The following CD200R1 variants were observed in gnomAD, a reference collection of about 807,000 sequenced individuals.
The protein encoded by CD200R1 is cell surface glycoprotein CD200 receptor 1.
Under a neutral mutation model 38.1 loss-of-function variants are expected in CD200R1, and 30 were observed. That is an observed-to-expected ratio of 0.79 (90% CI 0.59 to 1.07). The LOEUF (loss-of-function observed/expected upper bound fraction) is 1.07, where lower values mean the gene tolerates loss of function less well. CD200R1 is among the 50% of genes least tolerant of loss of function. The pLI is 0.00. For missense variants in CD200R1, 372 were observed against 415.4 expected (o/e 0.90, Z 0.91); for synonymous variants, 128 against 152.1 (o/e 0.84, Z 1.16).
chr3:112,943,740 T>C (rs773858526), intron 2 of CD200R1, among the ~76,000 whole-genome samples: 12 of 151,580 alleles, frequency 7.9e-5, no homozygotes, highest in Non-Finnish European at 1.6e-4. Flanking sequence ...AGAGAGAAGA[T>C]ACAAGTTGCT....
intron 2 of CD200R1, among the ~76,000 whole-genome samples, chr3:112,936,607 G>C (rs113485109): frequency 2.6e-5 from 4 of 152,058 alleles, no homozygotes; most frequent in African/African-American, 9.7e-5. Context: ...GTCTTCTTTT[G>C]AGAATTATCT....
intron 2 of CD200R1, among the ~76,000 whole-genome samples, chr3:112,942,566 C>A (rs1283094623): frequency 6.6e-6 from 1 of 151,266 alleles, no homozygotes; most frequent in African/African-American, 2.4e-5. Context: ...GAACAAAGAA[C>A]AGAGGCACTA....
At position 112,947,944 on chromosome 3, in the gene CD200R1, T is replaced by C; in HGVS notation, c.68-20A>G. On this transcript the variant is annotated intron_variant, in intron 1 of 7. Coordinates refer to ENST00000308611, the MANE Select transcript of CD200R1 (RefSeq NM_138806.4). ...CCGCTTCTGAATTTTGAAAAAGACATAGGGGGTAGAGAGAGAAATATGCAT... is the reference window on the plus strand; with the variant it reads ...CCGCTTCTGAATTTTGAAAAAGACACAGGGGGTAGAGAGAGAAATATGCAT... The C allele has an allele frequency of 6.5e-7, 1 of 1,539,230 alleles. No individual in the cohort carries two copies.
At chr3:112,930,454 C>T (rs1020712317) in intron 3 of CD200R1, among the ~76,000 whole-genome samples, 1 of 152,194 alleles carries the variant, frequency 6.6e-6, no homozygotes, top group Non-Finnish European at 1.5e-5. Context: ...GTAAGTTGAT[C>T]CCTGTTGTCC....
rs1220616469 is a variant in CD200R1 at position 112,922,150 on chromosome 3, A to G, written c.*1527T>C. The G allele has an allele frequency of 6.6e-6, 1 of 152,020 alleles. No individual in the cohort carries two copies. The highest frequency in any genetic ancestry group is 2.4e-5 in the African/African-American group (1 of 41,432). 9.4% of individuals were successfully genotyped at this position (152,020 alleles called of 1,614,324 possible). On this transcript the variant is annotated 3_prime_UTR_variant, in exon 8 of 8. Coordinates refer to ENST00000308611, the MANE Select transcript of CD200R1 (RefSeq NM_138806.4). ...AAAAGTCCCTTTGAGGACAAAATCC[A>G]TAGTAACTGAAATGTCTAGAGGGAG...
Position 112,934,422 on chromosome 3 carries a change from GA to G in CD200R1, c.137-3252del, listed in dbSNP as rs1181689383. On this transcript the variant is annotated intron_variant, in intron 2 of 7. Coordinates refer to ENST00000308611, the MANE Select transcript of CD200R1 (RefSeq NM_138806.4). Reference sequence around the variant, plus strand: ...ATAAAGGCAAGACTGTCACCAAGCAGAAAAAAAAAATCAATAAAATGACAGA... The same window carrying G: ...ATAAAGGCAAGACTGTCACCAAGCAGAAAAAAAAATCAATAAAATGACAGA... 3.7e-4 allele frequency among the ~76,000 whole-genome samples: 55 copies of G among 147,862 alleles called. No homozygotes were observed. In the East Asian group the frequency reaches 6.7e-3, roughly 18 times the overall value.
rs764298361 is a variant in CD200R1 at position 112,931,138 on chromosome 3, A to G, written c.170T>C (p.Ile57Thr). 5 of 1,610,958 alleles carry G rather than the reference A, an allele frequency of 3.1e-6. No individual in the cohort carries two copies. In the South Asian group the frequency reaches 5.5e-5, roughly 18 times the overall value. Residue 57 changes from isoleucine to threonine, a missense_variant, in exon 3 of 8, where the codon ATT (isoleucine) becomes ACT (threonine). Ile to Thr is a moderately conservative substitution (Grantham distance 89, BLOSUM62 -1). Transcript: ENST00000308611. Reference sequence around the variant, plus strand: ...GAGTACTTTCGAGTAGTTCTGTGTAATCTGTTTTTCATCCATACATAAACT... The same window carrying G: ...GAGTACTTTCGAGTAGTTCTGTGTAGTCTGTTTTTCATCCATACATAAACT... Reference protein sequence around the residue: ...SSSLCMDEKQITQNYSKVLAE... With the variant: ...SSSLCMDEKQTTQNYSKVLAE...
rs185751306 is a variant in CD200R1 at position 112,957,554 on chromosome 3, T to C, written c.68-9630A>G. On this transcript the variant is annotated intron_variant, in intron 1 of 7. Coordinates refer to ENST00000308611, the MANE Select transcript of CD200R1 (RefSeq NM_138806.4). Reference sequence around the variant, plus strand: ...AAACTGTAATACCCCTAGAAGAATATATATAAGAGCATCTCTGACTTTGAC... The same window carrying C: ...AAACTGTAATACCCCTAGAAGAATACATATAAGAGCATCTCTGACTTTGAC... 3.4e-3 allele frequency among the ~76,000 whole-genome samples: 523 copies of C among 152,246 alleles called. 2 individuals carry two copies. Among genetic ancestry groups the C allele is most frequent in the African/African-American group, 0.012 (498 of 41,544 alleles).
In CD200R1 at chr3:112,923,684, G is replaced by A. The variant is rs1258157668; in HGVS notation, c.1040C>T (p.Thr347Ile). ...GTACTAGAGTCCAACAACTTATAAA[G>A]TATGGAGGTCTGTGTCAACTTCACT... ...LQSEVDTDLH[T>I]L Residue 347 changes from threonine (T) to isoleucine (I), a missense_variant, in exon 8 of 8, where the codon ACT (threonine) becomes ATT (isoleucine). Thr to Ile is a moderately conservative substitution (Grantham distance 89). Coordinates refer to ENST00000308611, the MANE Select transcript of CD200R1 (RefSeq NM_138806.4). The A allele has an allele frequency of 2.7e-6, 4 of 1,504,092 alleles. No individual in the cohort carries two copies. The highest frequency in any genetic ancestry group is 2.3e-5 in the East Asian group (1 of 43,730). 93.2% of individuals were successfully genotyped at this position (1,504,092 alleles called of 1,614,324 possible).
intron 1 of CD200R1, among the ~76,000 whole-genome samples, chr3:112,953,470 A>G (rs773283489): frequency 1.6e-4 from 25 of 152,132 alleles, no homozygotes; most frequent in African/African-American, 6.0e-4. Context: ...GGCCTCGTAA[A>G]ATGACTTTGG....
At chr3:112,955,078 T>C (rs1459284302) in intron 1 of CD200R1, among the ~76,000 whole-genome samples, 3 of 152,238 alleles carry the variant, frequency 2.0e-5, no homozygotes, top group African/African-American at 7.2e-5. Context: ...ACAGAACTCA[T>C]CAGTGTTAAT....
At chr3:112,934,401 A>G (rs1940527552) in intron 2 of CD200R1, among the ~76,000 whole-genome samples, 1 of 152,104 alleles carries the variant, frequency 6.6e-6, no homozygotes, top group African/African-American at 2.4e-5. Flanking sequence ...TCAGAAATAA[A>G]GGCAAGACTG....
chr3:112,938,815 G>C (rs1559948495), intron 2 of CD200R1, among the ~76,000 whole-genome samples: 1 of 151,844 alleles, frequency 6.6e-6, no homozygotes, highest in Non-Finnish European at 1.5e-5. Flanking sequence ...ACAAAAACCA[G>C]ATAAGACACA....
intron 1 of CD200R1, among the ~76,000 whole-genome samples, chr3:112,970,149 G>C (rs574921104): frequency 2.0e-5 from 3 of 152,244 alleles, no homozygotes; most frequent in Admixed American, 1.3e-4. Context: ...CTGCACTCCA[G>C]CCTGAGTGAT....
intron 1 of CD200R1, among the ~76,000 whole-genome samples, chr3:112,971,319 T>C (rs1933304403): frequency 6.6e-6 from 1 of 152,220 alleles, no homozygotes; most frequent in South Asian, 2.1e-4. Context: ...TCAGTACTAA[T>C]GAAATCATCT....
intron 1 of CD200R1, among the ~76,000 whole-genome samples, chr3:112,957,177 C>A (rs1384236650): frequency 6.6e-6 from 1 of 152,162 alleles, no homozygotes; most frequent in African/African-American, 2.4e-5. Flanking sequence ...CTGACGTCCT[C>A]TTCAATATAT....
rs16860236 is a variant in CD200R1, at chr3:112,923,362, C to A, written c.*315G>T. On this transcript the variant is annotated 3_prime_UTR_variant, in exon 8 of 8. Coordinates refer to ENST00000308611, the MANE Select transcript of CD200R1 (RefSeq NM_138806.4). ...AAGGATACACAAGAAACTGTTCACA[C>A]TTGCTCCTTCTTCAGTTATTTCTTG... is the stretch of plus-strand genomic sequence containing the variant. The A allele has an allele frequency of 0.038, 7,179 of 187,878 alleles. 285 individuals carry two copies. Among genetic ancestry groups the A allele is most frequent in the East Asian group, 0.2 (1,245 of 6,086 alleles). 11.6% of individuals were successfully genotyped at this position (187,878 alleles called of 1,614,324 possible).
intron 2 of CD200R1, among the ~76,000 whole-genome samples, chr3:112,932,558 C>T (rs1362547031): frequency 6.6e-6 from 1 of 152,030 alleles, no homozygotes; most frequent in Non-Finnish European, 1.5e-5. Flanking sequence ...GCCTCCCCAG[C>T]AGCCCCATGC....
chr3:112,974,835 G>A lies in CD200R1; in HGVS notation c.23C>T (p.Ala8Val). The stretch of plus-strand genomic sequence containing the variant: ...CAAAATCAACAGTAGCCCTAGGTTA[G>A]CAGTTCTCCAAGGGCAGAGCATTTC... Reference protein sequence around the residue: MLCPWRTANLGLLLILTI... With the variant: MLCPWRTVNLGLLLILTI... The change falls in exon 1 of 8, where the codon GCT (alanine) becomes GTT (valine). Residue 8 changes from alanine (A) to valine (V), a missense_variant. Transcript: ENST00000308611. The A allele has an allele frequency of 6.2e-7, 1 of 1,613,484 alleles. No homozygotes were observed. The highest frequency in any genetic ancestry group is 8.5e-7 in the Non-Finnish European group (1 of 1,179,572).
Sources: allele counts gnomAD v4.1 joint callset (sites outside exome capture counted in the v4.1 genomes callset), GRCh38; gene constraint gnomAD v4.1.1; transcripts MANE v1.5; gene names NCBI Gene and HGNC (gene_info 2026-07-23, HGNC 2026-07-21).